CDH4: variants seen among roughly 807,000 people sequenced by gnomAD.
CDH4 encodes cadherin 4.
CDH4 carries 33 observed loss-of-function variants against 86.0 expected under a neutral mutation model. That is an observed-to-expected ratio of 0.38 (90% CI 0.29 to 0.51). CDH4 has a LOEUF of 0.51. Ranked by LOEUF, CDH4 falls within the 20% of genes least tolerant of loss-of-function variation. The pLI, the probability that CDH4 is intolerant of heterozygous loss-of-function variation, is 0.86. For synonymous variants in CDH4, 555 were observed against 549.4 expected (o/e 1.01, Z -0.14); for missense variants, 1,114 against 1,307.4 (o/e 0.85, Z 2.28).
At chr20:61,546,932 C>T (rs371354911) in intron 2 of CDH4, among the ~76,000 whole-genome samples, 13 of 152,134 alleles carry the variant, frequency 8.5e-5, no homozygotes, top group Non-Finnish European at 1.9e-4. Flanking sequence ...CTTCCGTCTC[C>T]GTGCCCACGC....
rs542705549 is a variant in CDH4 at position 61,745,971 on chromosome 20, C to T, written c.396+2182C>T. 2.3e-3 allele frequency among the ~76,000 whole-genome samples: 357 copies of T among 152,196 alleles called. 2 individuals are homozygous for T. Among genetic ancestry groups the T allele is most frequent in the Non-Finnish European group, 4.1e-3 (280 of 67,998 alleles). ...GCTGTGGTTGCCGCTAGACAGTCCC[C>T]GTGGGAATGTGCCTCGACCCACACC... On this transcript the variant is annotated intron_variant, in intron 3 of 15. Coordinates refer to ENST00000614565, the MANE Select transcript of CDH4 (RefSeq NM_001794.5).
chr20:61,797,773 T>TCTCTAC (rs1979608589), intron 4 of CDH4, among the ~76,000 whole-genome samples: 1 of 152,114 alleles, frequency 6.6e-6, no homozygotes, highest in South Asian at 2.1e-4. Context: ...GCTGACAAAG[T>TCTCTAC]GAGACCCCGT....
intron 2 of CDH4, among the ~76,000 whole-genome samples, chr20:61,736,355 A>G (rs1258913152): frequency 6.6e-6 from 1 of 152,110 alleles, no homozygotes; most frequent in Non-Finnish European, 1.5e-5. Context: ...CCTTCTCTGG[A>G]ACCTCATTCC....
At chr20:61,482,840 C>G (rs1202281557) in intron 2 of CDH4, among the ~76,000 whole-genome samples, 2 of 152,228 alleles carry the variant, frequency 1.3e-5, no homozygotes, top group Non-Finnish European at 2.9e-5. Context: ...TGGTCCTCCA[C>G]TGTATTCAGG....
rs868375832 is a variant in CDH4 at position 61,820,279 on chromosome 20, C to T, written c.577-24389C>T. On this transcript the variant is annotated intron_variant, in intron 4 of 15. Transcript: ENST00000614565. Reference sequence around the variant, plus strand: ...CGCCTTCCACCTACACAGCGACCAGCGGCTCTCACTGGCTGCTGCCTGGCA... The same window carrying T: ...CGCCTTCCACCTACACAGCGACCAGTGGCTCTCACTGGCTGCTGCCTGGCA... Among the ~76,000 whole-genome samples, 193 of 152,216 alleles carry T rather than the reference C, an allele frequency of 1.3e-3. 1 individual carries two copies. Among genetic ancestry groups the T allele is most frequent in the African/African-American group, 3.9e-3 (160 of 41,460 alleles).
intron 8 of CDH4, among the ~76,000 whole-genome samples, chr20:61,895,828 G>A (rs866997575): frequency 6.6e-6 from 1 of 152,206 alleles, no homozygotes. Flanking sequence ...TGGGTCCATG[G>A]GGTGTGACAC....
At chr20:61,767,600 G>A (rs2088715507) in intron 3 of CDH4, among the ~76,000 whole-genome samples, 1 of 152,198 alleles carries the variant, frequency 6.6e-6, no homozygotes, top group Non-Finnish European at 1.5e-5. Context: ...CCTATAGGCT[G>A]GAGGCCAGAG....
At chr20:61,586,522 G>C (rs377759578) in intron 2 of CDH4, among the ~76,000 whole-genome samples, 1 of 152,242 alleles carries the variant, frequency 6.6e-6, no homozygotes, top group Non-Finnish European at 1.5e-5. Flanking sequence ...GACCCTGGAC[G>C]TGAGGTAACT....
intron 3 of CDH4, 76 bp from the exon 4 acceptor site, chr20:61,772,927 C>A: frequency 7.3e-7 from 1 of 1,363,024 alleles, no homozygotes; most frequent in Non-Finnish European, 1.0e-6. Context: ...TACAGATCAT[C>A]TTAGCAGATG....
intron 2 of CDH4, among the ~76,000 whole-genome samples, chr20:61,338,818 T>G (rs945602530): frequency 1.2e-4 from 18 of 152,332 alleles, no homozygotes; most frequent in African/African-American, 4.3e-4. Context: ...GCTGAGAATC[T>G]TAGAGAAAGT....
At chr20:61,772,892 C>T (rs748409982) in intron 3 of CDH4, 111 bp from the exon 4 acceptor site, 4 of 885,926 alleles carry the variant, frequency 4.5e-6, no homozygotes, top group Non-Finnish European at 6.5e-6. Flanking sequence ...CAGCGTTACC[C>T]GCCTTCCCTC....
chr20:61,866,919 G>T (rs1205980326), intron 6 of CDH4, among the ~76,000 whole-genome samples: 1 of 152,248 alleles, frequency 6.6e-6, no homozygotes, highest in Non-Finnish European at 1.5e-5. Context: ...CAGAGAGTGG[G>T]ATCCTGAGCC....
intron 2 of CDH4, among the ~76,000 whole-genome samples, chr20:61,652,743 A>G (rs2087134731): frequency 6.6e-6 from 1 of 151,584 alleles, no homozygotes; most frequent in Admixed American, 6.6e-5. Context: ...TTTCCTGGGT[A>G]GATTCCCAAG....
At chr20:61,379,646 G>A (rs1030487902) in intron 2 of CDH4, among the ~76,000 whole-genome samples, 2 of 152,104 alleles carry the variant, frequency 1.3e-5, no homozygotes, top group Admixed American at 6.5e-5. Context: ...TGGAGGGGAG[G>A]GAGGTTACTG....
At chr20:61,599,322 A>C (rs1600795082) in intron 2 of CDH4, among the ~76,000 whole-genome samples, 1 of 151,890 alleles carries the variant, frequency 6.6e-6, no homozygotes, top group African/African-American at 2.4e-5. Flanking sequence ...CTGCTGGGGG[A>C]CTCTGCAGAC....
At chr20:61,866,478 C>T (rs998188582) in intron 6 of CDH4, among the ~76,000 whole-genome samples, 5 of 152,186 alleles carry the variant, frequency 3.3e-5, no homozygotes, top group East Asian at 3.8e-4. Context: ...TGTGCCATCA[C>T]GATTAGGTAC....
intron 4 of CDH4, among the ~76,000 whole-genome samples, chr20:61,784,766 T>A (rs943159527): frequency 3.5e-5 from 5 of 141,016 alleles, no homozygotes; most frequent in Admixed American, 3.5e-4. Context: ...GTAAGCCCAG[T>A]TCCTCGGAAC....
rs529094901 is a variant in CDH4 at position 61,525,644 on chromosome 20, C to T, written c.170-217919C>T. On this transcript the variant is annotated intron_variant, in intron 2 of 15. Coordinates refer to ENST00000614565, the MANE Select transcript of CDH4 (RefSeq NM_001794.5). ...CTGCCGTGTGCTCGGCTCTGTGCTG[C>T]GGCTGTACCCGATCTCGTTTTCTCC... Among the ~76,000 whole-genome samples the T allele has an allele frequency of 1.9e-4, 29 of 152,288 alleles. No homozygotes were observed. The South Asian group carries it at 5.2e-3, about 27-fold the overall frequency.
At chr20:61,599,996 C>G in intron 2 of CDH4, 1 of 971,858 alleles carries the variant, frequency 1.0e-6, no homozygotes, top group Non-Finnish European at 1.2e-6. Context: ...ACAGGTACCC[C>G]GTGCTAATGA....
Sources: gnomAD v4.1 joint callset for allele counts (sites outside exome capture counted in the v4.1 genomes callset) on GRCh38, gnomAD v4.1.1 for gene constraint, MANE v1.5 for transcripts, NCBI Gene and HGNC (gene_info 2026-07-23, HGNC 2026-07-21) for gene names.